Variants in EFCAB6 observed in about 807,000 individuals in gnomAD.
EFCAB6 encodes EF-hand calcium binding domain 6.
In EFCAB6, 156 loss-of-function variants were observed where a neutral mutation model predicts 169.8. That is an observed-to-expected ratio of 0.92 (90% CI 0.81 to 1.05). The LOEUF (loss-of-function observed/expected upper bound fraction) is 1.05. EFCAB6 is among the 50% of genes least tolerant of loss of function. The probability of loss-of-function intolerance (pLI) is 0.00; values close to 1 mark genes in which losing one functional copy is unlikely to be tolerated. For synonymous variants in EFCAB6, 698 were observed against 676.4 expected (o/e 1.03, Z -0.50); for missense variants, 1,800 against 1,829.1 (o/e 0.98, Z 0.29).
intron 8 of EFCAB6, among the ~76,000 whole-genome samples, chr22:43,726,196 C>A (rs1049186532): frequency 8.1e-6 from 1 of 123,894 alleles, no homozygotes; most frequent in East Asian, 2.5e-4. Flanking sequence ...ATGTCCATAG[C>A]AAAACTGAAA....
chr22:43,793,891 C>A (rs1044208463), intron 2 of EFCAB6, among the ~76,000 whole-genome samples: 4 of 152,110 alleles, frequency 2.6e-5, no homozygotes, highest in African/African-American at 7.2e-5. Context: ...GTTATTAATA[C>A]CATTGTTTTT....
At chr22:43,711,448 A>G in intron 10 of EFCAB6, 27 bp downstream of exon 10, 1 of 1,537,958 alleles carries the variant, frequency 6.5e-7, no homozygotes. Flanking sequence ...GGGGAAAAAA[A>G]TGTCAAGGAA....
intron 23 of EFCAB6, among the ~76,000 whole-genome samples, chr22:43,599,684 T>C (rs2052346583): frequency 6.6e-6 from 1 of 152,132 alleles, no homozygotes; most frequent in Non-Finnish European, 1.5e-5. Flanking sequence ...ATTCAACAGA[T>C]ATTACTGGGT....
intron 2 of EFCAB6, among the ~76,000 whole-genome samples, chr22:43,801,635 C>CT (rs952201254): frequency 2.6e-5 from 4 of 152,056 alleles, no homozygotes; most frequent in African/African-American, 9.7e-5. Context: ...TGTTTATATT[C>CT]TTTTTTCTGA....
At chr22:43,570,945 C>T (rs1041781203) in intron 26 of EFCAB6, among the ~76,000 whole-genome samples, 3 of 152,196 alleles carry the variant, frequency 2.0e-5, no homozygotes, top group Non-Finnish European at 4.4e-5. Flanking sequence ...TGCAGAGCAG[C>T]GGCCTGGGAC....
intron 20 of EFCAB6, among the ~76,000 whole-genome samples, chr22:43,620,830 A>G (rs1457689277): frequency 6.6e-6 from 1 of 152,202 alleles, no homozygotes; most frequent in African/African-American, 2.4e-5. Flanking sequence ...AAGGAGATAG[A>G]AAATAATGAA....
intron 21 of EFCAB6, among the ~76,000 whole-genome samples, chr22:43,612,593 G>T (rs1397598597): frequency 6.6e-6 from 1 of 152,044 alleles, no homozygotes; most frequent in Non-Finnish European, 1.5e-5. Flanking sequence ...AGTCAGAATG[G>T]CTATCACTAA....
intron 2 of EFCAB6, among the ~76,000 whole-genome samples, chr22:43,784,578 T>C (rs868390655): frequency 0.027 from 2,085 of 76,102 alleles, 141 homozygotes; most frequent in African/African-American, 0.092. Context: ...TGTGTACATA[T>C]ACACATATAT....
At chr22:43,806,676 G>A (rs5764313) in intron 2 of EFCAB6, among the ~76,000 whole-genome samples, 34,429 of 152,022 alleles carry the variant, frequency 0.23, 5,119 homozygotes, top group East Asian at 0.61. Context: ...AACACACCAC[G>A]TAGTTCCTCA....
At chr22:43,667,765 A>C (rs2057327577) in intron 16 of EFCAB6, among the ~76,000 whole-genome samples, 1 of 152,196 alleles carries the variant, frequency 6.6e-6, no homozygotes, top group Admixed American at 6.5e-5. Context: ...CAGTTACTCC[A>C]CAAATCGGCT....
At chr22:43,681,951 T>C (rs550501925) in intron 12 of EFCAB6, among the ~76,000 whole-genome samples, 2 of 152,308 alleles carry the variant, frequency 1.3e-5, no homozygotes, top group Middle Eastern at 3.4e-3. Context: ...GCAGCACATA[T>C]AGCAAATGGG....
At position 43,626,598 on chromosome 22, in the gene EFCAB6, G is replaced by T; in HGVS notation, c.2314C>A (p.His772Asn). 6.2e-7 allele frequency: 1 copy of T among 1,614,226 alleles called. No individual in the cohort carries two copies. Among genetic ancestry groups the T allele is most frequent in the Non-Finnish European group, 8.5e-7 (1 of 1,180,046 alleles). The change falls in exon 20 of 32, where the codon CAT becomes AAT. Residue 772 changes from histidine (H) to asparagine (N), a missense_variant. By Grantham distance (68) the His-to-Asn change is moderately conservative. Coordinates refer to ENST00000262726, the MANE Select transcript of EFCAB6 (RefSeq NM_022785.4). ...TCGTCTTTGAGATTAAGCAGTAGAT[G>T]CAGGAGCAGTCTGTGAAGGTCATGC... is the stretch of plus-strand genomic sequence containing the variant. Reference protein sequence around the residue: ...NMHDLHRLLLHLLLNLKDDEF... With the variant: ...NMHDLHRLLLNLLLNLKDDEF...
intron 20 of EFCAB6, among the ~76,000 whole-genome samples, chr22:43,618,132 GAGAC>G (rs2053831511): frequency 1.3e-5 from 1 of 78,132 alleles, no homozygotes; most frequent in South Asian, 4.2e-4. Flanking sequence ...AAAAAAGAAA[GAGAC>G]AGAGAGGAGG....
intron 25 of EFCAB6, among the ~76,000 whole-genome samples, chr22:43,577,348 C>T (rs1422294427): frequency 2.6e-5 from 4 of 152,150 alleles, no homozygotes; most frequent in Non-Finnish European, 2.9e-5. Context: ...AATTCTCATT[C>T]GGGGCTAATT....
intron 30 of EFCAB6, among the ~76,000 whole-genome samples, chr22:43,533,668 C>A (rs1191524091): frequency 6.6e-6 from 1 of 152,238 alleles, no homozygotes; most frequent in Non-Finnish European, 1.5e-5. Flanking sequence ...AGCACACAGG[C>A]TGTGGGCTTT....
intron 15 of EFCAB6, among the ~76,000 whole-genome samples, chr22:43,671,744 C>T (rs2057502632): frequency 6.6e-6 from 1 of 152,084 alleles, no homozygotes; most frequent in African/African-American, 2.4e-5. Context: ...TTTCTTTGTC[C>T]ATAGAAAGGA....
chr22:43,773,522 G>A (rs556335626), intron 3 of EFCAB6, among the ~76,000 whole-genome samples: 7 of 152,320 alleles, frequency 4.6e-5, no homozygotes, highest in African/African-American at 1.7e-4. Flanking sequence ...TTCAAAGACA[G>A]GGAAGAGATG....
chr22:43,628,341 G>T lies in EFCAB6; in HGVS notation c.2233-1662C>A, dbSNP rs991463566. ...ACATCCCGCTGGCTCTCCCTTCAGA[G>T]TGCATTAGCACTGGACCCCCTCTCC... is the stretch of plus-strand genomic sequence containing the variant. On this transcript the variant is annotated intron_variant, in intron 19 of 31. Coordinates refer to ENST00000262726, the MANE Select transcript of EFCAB6 (RefSeq NM_022785.4). This position sits in a 1 kb window ranked among gnomAD's most constrained non-coding sequence, Gnocchi z 4.8. Among the ~76,000 whole-genome samples, 1 of 152,068 alleles carries T rather than the reference G, an allele frequency of 6.6e-6. No individual in the cohort carries two copies. Among genetic ancestry groups the T allele is most frequent in the African/African-American group, 2.4e-5 (1 of 41,418 alleles).
At chr22:43,743,983 ATAGG>A (rs1350193225) in intron 6 of EFCAB6, among the ~76,000 whole-genome samples, 1 of 146,398 alleles carries the variant, frequency 6.8e-6, no homozygotes, top group African/African-American at 2.5e-5. Flanking sequence ...TGATGGATAG[ATAGG>A]TAAATGGATG....
Sources: allele counts gnomAD v4.1 joint callset (sites outside exome capture counted in the v4.1 genomes callset), GRCh38; gene constraint gnomAD v4.1.1; non-coding constraint Gnocchi (gnomAD v3.1); transcripts MANE v1.5; gene names NCBI Gene and HGNC (gene_info 2026-07-23, HGNC 2026-07-21).